The following ELF4 variants were observed in gnomAD, a reference collection of about 807,000 sequenced individuals.
ELF4 encodes E74 like ETS transcription factor 4, also known as ETS-related transcription factor Elf-4.
ELF4 carries 10 observed loss-of-function variants against 31.7 expected under a neutral mutation model. The observed-to-expected ratio is 0.32, with a 90% CI of 0.19 to 0.54. The LOEUF (loss-of-function observed/expected upper bound fraction) is 0.54, where lower values mean the gene tolerates loss of function less well. ELF4 is among the 20% of genes least tolerant of loss of function. ELF4 has a pLI of 0.95. For missense variants in ELF4, 418 were observed against 522.0 expected, an observed-to-expected ratio of 0.80 and a Z score of 1.94; for synonymous variants, 208 against 226.7, an observed-to-expected ratio of 0.92 and a Z score of 0.74.
In ELF4 at chrX:130,074,156, ATGG is replaced by A. The variant is rs767854857; in HGVS notation, c.248-18_248-16del. 5 of 1,209,773 alleles carry A rather than the reference ATGG, an allele frequency of 4.1e-6. No homozygotes were observed. In the East Asian group the frequency reaches 1.5e-4, roughly 36 times the overall value. ...CTCATTGTCATCTGGTCCGGGTTCCATGGTGGGAGGAGAGAAGAAAAGTTCCCT... is the reference window on the plus strand; with the variant it reads ...CTCATTGTCATCTGGTCCGGGTTCCATGGGAGGAGAGAAGAAAAGTTCCCT... On this transcript the variant is annotated splice_polypyrimidine_tract_variant and intron_variant, in intron 3 of 8. Transcript: ENST00000308167.
At chrX:130,109,476 T>C (rs1438650411) in intron 1 of ELF4, among the ~76,000 whole-genome samples, 1 of 112,600 alleles carries the variant, frequency 8.9e-6, no homozygotes, top group Non-Finnish European at 1.9e-5. Context: ...AGGAATCAAA[T>C]GGCCATCAAA....
intron 1 of ELF4, among the ~76,000 whole-genome samples, chrX:130,085,861 G>T (rs1302747137): frequency 8.9e-6 from 1 of 111,791 alleles, no homozygotes; most frequent in Non-Finnish European, 1.9e-5. Flanking sequence ...ACTACCCCAG[G>T]AACAGCTGTA....
Position 130,103,788 on chromosome X carries a change from G to A in ELF4, c.-210+6537C>T, listed in dbSNP as rs766359825. Among the ~76,000 whole-genome samples the A allele has an allele frequency of 2.7e-5, 3 of 112,324 alleles. No homozygotes were observed. The South Asian group carries it at 1.1e-3, about 42-fold the overall frequency. On this transcript the variant is annotated intron_variant, in intron 1 of 8. Coordinates refer to ENST00000308167, the MANE Select transcript of ELF4 (RefSeq NM_001421.4). ...ACTGAGTGGAGTGCTTTACTCAGGG[G>A]TGGTCCAGTTTATCCTAGGCTGCCT... is the stretch of plus-strand genomic sequence containing the variant.
chrX:130,103,552 T>C (rs1933322737), intron 1 of ELF4, among the ~76,000 whole-genome samples: 1 of 112,424 alleles, frequency 8.9e-6, no homozygotes, highest in South Asian at 3.7e-4. Context: ...GAGACAGGTG[T>C]TTTCTGTGCA....
chrX:130,091,762 C>G (rs5975170), intron 1 of ELF4, among the ~76,000 whole-genome samples: 14,181 of 111,356 alleles, frequency 0.13, 710 homozygotes, highest in East Asian at 0.21. Context: ...GTCACTTCTG[C>G]TTTGTGTGCC....
intron 3 of ELF4, 135 bp from the exon 4 acceptor site, chrX:130,074,276 G>A (rs1489719576): frequency 1.4e-6 from 1 of 715,433 alleles, no homozygotes; most frequent in Non-Finnish European, 2.2e-6. Context: ...TGAAGTGAGT[G>A]CTAAGTGAGG....
In ELF4 at chrX:130,110,440, C is replaced by G. The variant is rs1245417699; in HGVS notation, c.-325G>C. 1 of 111,306 alleles carries G rather than the reference C, an allele frequency of 9.0e-6. No individual in the cohort carries two copies. The highest frequency in any genetic ancestry group is 3.3e-5 in the African/African-American group (1 of 30,767). 9.2% of individuals were successfully genotyped at this position (111,306 alleles called of 1,213,427 possible). On this transcript the variant is annotated 5_prime_UTR_variant, in exon 1 of 9. Transcript: ENST00000308167. Reference sequence around the variant, plus strand: ...CAGCCCCGCCAGCCCGTCCTCTCCCCTCGGAAGCCGGGCCGGGCGAGCGGC... The same window carrying G: ...CAGCCCCGCCAGCCCGTCCTCTCCCGTCGGAAGCCGGGCCGGGCGAGCGGC...
intron 2 of ELF4, among the ~76,000 whole-genome samples, chrX:130,078,116 C>T (rs1340134355): frequency 4.6e-5 from 1 of 21,807 alleles, no homozygotes; most frequent in African/African-American, 2.0e-4. Flanking sequence ...GGCTCGATCT[C>T]GGCTCACTGC....
chrX:130,071,723 T>C lies in ELF4; in HGVS notation c.533-304A>G, dbSNP rs781254234. Among the ~76,000 whole-genome samples the C allele has an allele frequency of 5.3e-5, 6 of 113,055 alleles. No homozygotes were observed. The East Asian group carries it at 1.7e-3, about 32-fold the overall frequency. On this transcript the variant is annotated intron_variant, in intron 5 of 8. Transcript: ENST00000308167. ...AGGCAGCCTAAAGGCACCAGTGTTG[T>C]GCAGGTAAGTGCGGTGCTGAGGTTC...
At chrX:130,097,252 A>G (rs750405927) in intron 1 of ELF4, among the ~76,000 whole-genome samples, 1 of 109,692 alleles carries the variant, frequency 9.1e-6, no homozygotes, top group Non-Finnish European at 1.9e-5. Flanking sequence ...AGCCTGACCA[A>G]CATGGAGAAA....
intron 2 of ELF4, among the ~76,000 whole-genome samples, chrX:130,080,926 T>C (rs1187369053): frequency 8.9e-6 from 1 of 112,762 alleles, no homozygotes; most frequent in African/African-American, 3.2e-5. Flanking sequence ...TGATGGTCAG[T>C]GTACCCCTTA....
intron 1 of ELF4, among the ~76,000 whole-genome samples, chrX:130,098,083 C>T (rs905357163): frequency 5.3e-5 from 6 of 112,288 alleles, no homozygotes; most frequent in Non-Finnish European, 1.1e-4. Flanking sequence ...TTCGTCACTA[C>T]AGGCTCCCGC....
In ELF4 at chrX:130,071,148, C is replaced by T. The variant is rs1478006719; in HGVS notation, c.701G>A (p.Arg234Gln). 1 of 1,211,713 alleles carries T rather than the reference C, an allele frequency of 8.3e-7. No homozygotes were observed. The highest frequency in any genetic ancestry group is 3.0e-5 in the East Asian group (1 of 33,832). Residue 234 changes from arginine (R) to glutamine (Q), a missense_variant, in exon 7 of 9, where the codon CGA becomes CAA. Around this residue, in one of 4 missense-constraint regions of ELF4, gnomAD observed 35 missense variants for 84.0 expected, o/e 0.42. Transcript: ENST00000308167. The stretch of plus-strand genomic sequence containing the variant: ...CACCAGTTTGAAGATGCCTTTCTCT[C>T]GCTGGGTCCACTTGATGTACTTGGG... ...TCPKYIKWTQ[R>Q]EKGIFKLVDS...
chrX:130,090,463 T>A (rs2124627713), intron 1 of ELF4, among the ~76,000 whole-genome samples: 1 of 111,356 alleles, frequency 9.0e-6, no homozygotes, highest in East Asian at 2.8e-4. Context: ...CACAGTGCCT[T>A]CCCCACCTCC....
At chrX:130,101,692 G>C (rs181421575) in intron 1 of ELF4, among the ~76,000 whole-genome samples, 5 of 110,262 alleles carry the variant, frequency 4.5e-5, no homozygotes, top group Non-Finnish European at 9.5e-5. Flanking sequence ...TCGGGAGGTC[G>C]GGAGGCTGAG....
intron 1 of ELF4, among the ~76,000 whole-genome samples, chrX:130,098,566 T>C (rs1206257921): frequency 1.8e-5 from 2 of 111,963 alleles, no homozygotes; most frequent in Admixed American, 1.9e-4. Context: ...CCCAGGCTTC[T>C]GAGCCTCATG....
chrX:130,082,244 G>A (rs1159353584), intron 1 of ELF4, among the ~76,000 whole-genome samples: 1 of 110,898 alleles, frequency 9.0e-6, no homozygotes, highest in Non-Finnish European at 1.9e-5. Flanking sequence ...TCAGGGATGG[G>A]ACTCTCAGAT....
chrX:130,083,910 G>A (rs866634620), intron 1 of ELF4, among the ~76,000 whole-genome samples: 3 of 111,330 alleles, frequency 2.7e-5, no homozygotes, highest in Middle Eastern at 9.3e-3. Context: ...TCTGTGAGGT[G>A]TGTTTTCTGG....
chrX:130,066,687 G>A lies in ELF4; in HGVS notation c.*34C>T. On this transcript the variant is annotated 3_prime_UTR_variant, in exon 9 of 9. Coordinates refer to ENST00000308167, the MANE Select transcript of ELF4 (RefSeq NM_001421.4). Reference sequence around the variant, plus strand: ...CCCTATGAAAATGCTGCTCAATTTTGCCTGGTGGGTCACACTTGCCCTGAC... The same window carrying A: ...CCCTATGAAAATGCTGCTCAATTTTACCTGGTGGGTCACACTTGCCCTGAC... 2 of 1,193,312 alleles carry A rather than the reference G, an allele frequency of 1.7e-6. No homozygotes were observed. Among genetic ancestry groups the A allele is most frequent in the South Asian group, 3.6e-5 (2 of 56,090 alleles).
Sources: gnomAD v4.1 joint callset for allele counts (sites outside exome capture counted in the v4.1 genomes callset) on GRCh38, gnomAD v4.1.1 for gene constraint, gnomAD v4.1.1 regional missense constraint, MANE v1.5 for transcripts, NCBI Gene and HGNC (gene_info 2026-07-23, HGNC 2026-07-21) for gene names.